The following HS1BP3 variants were observed in gnomAD, a reference collection of about 807,000 sequenced individuals.
HS1BP3 encodes the protein HCLS1-binding protein 3.
In HS1BP3, 32 loss-of-function variants were observed where a neutral mutation model predicts 33.5. The ratio of observed to expected loss-of-function variants is 0.95; its 90% CI spans 0.72 to 1.28. The LOEUF is 1.28. HS1BP3 is among the 50% of genes most tolerant of loss of function. The pLI is 0.00. For synonymous variants in HS1BP3, 187 were observed against 209.2 expected (o/e 0.89, Z 0.92); for missense variants, 486 against 502.3 (o/e 0.97, Z 0.31).
chr2:20,562,581 C>G (rs1362304641), intron 5 of HS1BP3, among the ~76,000 whole-genome samples: 1 of 152,172 alleles, frequency 6.6e-6, no homozygotes, highest in Non-Finnish European at 1.5e-5. Context: ...ATGGAACCTG[C>G]AGAGGGGGTC....
At chr2:20,555,666 C>CTTCCTCCCTTTCTTCTTTTTTCT (rs1252431075), downstream of HS1BP3, among the ~76,000 whole-genome samples, 1 of 151,940 alleles carries the variant, frequency 6.6e-6, no homozygotes, top group African/African-American at 2.4e-5. Context: ...CTGCCTCTTC[C>CTTCCTCCCTTTCTTCTTTTTTCT]TTCCTCCCTT....
intron 4 of HS1BP3, among the ~76,000 whole-genome samples, chr2:20,628,024 A>G (rs1407885766): frequency 6.6e-6 from 1 of 152,008 alleles, no homozygotes; most frequent in Non-Finnish European, 1.5e-5. Context: ...GCAGGGAGGG[A>G]AGAGGGATAG....
intron 5 of HS1BP3, among the ~76,000 whole-genome samples, chr2:20,624,256 G>T (rs188341530): frequency 1.3e-4 from 20 of 152,322 alleles, no homozygotes; most frequent in Non-Finnish European, 1.9e-4. Context: ...CAGGGACTAG[G>T]TCTCACTCCT....
intron 2 of HS1BP3, among the ~76,000 whole-genome samples, chr2:20,612,773 T>C (rs1374690081): frequency 6.6e-6 from 1 of 152,216 alleles, no homozygotes; most frequent in African/African-American, 2.4e-5. Context: ...GCTATGAACA[T>C]CTGTGTACAA....
intron 6 of HS1BP3, among the ~76,000 whole-genome samples, chr2:20,620,486 G>A (rs1197596985): frequency 2.0e-5 from 3 of 152,206 alleles, no homozygotes; most frequent in African/African-American, 7.2e-5. Context: ...AAGACCTGTA[G>A]CACCCACTTG....
intron 5 of HS1BP3, among the ~76,000 whole-genome samples, chr2:20,568,271 C>A (rs147345739): frequency 6.6e-6 from 1 of 151,978 alleles, no homozygotes; most frequent in Admixed American, 6.5e-5. Context: ...TAGAGGAGGG[C>A]GGGAAGGAGT....
rs1694683715 is a variant in HS1BP3 at position 20,623,907 on chromosome 2, C to G, written c.909G>C (p.Lys303Asn). The part of the protein sequence containing the change: ...TPSLSHRDAS[K>N]ELFRVEEDLD... ...GGGACAGGTGGTACCTGAACAGTTC[C>G]TTGGAGGCGTCCCTGTGGCTGAGGC... is the stretch of plus-strand genomic sequence containing the variant. The change falls in exon 6 of 7, where the codon AAG becomes AAC. Residue 303 changes from lysine (K) to asparagine (N), a missense_variant. Coordinates refer to ENST00000304031, the MANE Select transcript of HS1BP3 (RefSeq NM_022460.4). 4.3e-6 allele frequency: 7 copies of G among 1,612,102 alleles called. No homozygotes were observed. The South Asian group carries it at 7.7e-5, about 18-fold the overall frequency.
In HS1BP3 at chr2:20,598,013, T is replaced by C. The variant is rs1289359926; in HGVS notation, c.*12+195A>G. ...CTGGGTAGGTCAGGCAGCTAAAAGT[T>C]GGGGGTCAGGTCCCCTACTTCAGCG... On this transcript the variant is annotated intron_variant, in intron 3 of 3. Coordinates refer to the HS1BP3 transcript ENST00000415264. Among the ~76,000 whole-genome samples, 4 of 152,210 alleles carry C rather than the reference T, an allele frequency of 2.6e-5. No homozygotes were observed. In the East Asian group the frequency reaches 5.8e-4, roughly 22 times the overall value.
chr2:20,554,579 C>T, the HS1BP3 span, among the ~76,000 whole-genome samples: 805 of 152,044 alleles, frequency 5.3e-3, 7 homozygotes, highest in Non-Finnish European at 8.5e-3. Flanking sequence ...AAAAATTGGC[C>T]GGGCGTGGTG....
downstream of HS1BP3, among the ~76,000 whole-genome samples, chr2:20,588,706 T>A (rs1693741182): frequency 6.6e-6 from 1 of 152,238 alleles, no homozygotes. Flanking sequence ...TCAGCCCATG[T>A]GGGAGCTTGC....
At chr2:20,577,794 T>C (rs112750634) in intron 5 of HS1BP3, among the ~76,000 whole-genome samples, 7,427 of 152,296 alleles carry the variant, frequency 0.049, 173 homozygotes, top group South Asian at 0.069. Context: ...TGAGGGGGTA[T>C]TGTCTAAGCT....
intron 4 of HS1BP3, chr2:20,637,028 G>GGGGGGGGGGC: frequency 4.2e-5 from 1 of 24,018 alleles, no homozygotes; most frequent in East Asian, 9.6e-4. Context: ...GGAGGGGGCT[G>GGGGGGGGGGC]CCCCCGCCCC....
intron 5 of HS1BP3, among the ~76,000 whole-genome samples, chr2:20,587,218 C>A (rs566028307): frequency 6.6e-6 from 1 of 152,204 alleles, no homozygotes; most frequent in South Asian, 2.1e-4. Context: ...TCATAGGACA[C>A]AGTCATTTAA....
At chr2:20,627,232 C>A (rs937454217) in intron 4 of HS1BP3, among the ~76,000 whole-genome samples, 2 of 152,228 alleles carry the variant, frequency 1.3e-5, no homozygotes, top group African/African-American at 2.4e-5. Flanking sequence ...GAGGGCAGGT[C>A]TGAGGCTGCT....
At chr2:20,586,803 C>G (rs1693694107) in intron 5 of HS1BP3, 1 of 152,088 alleles carries the variant, frequency 6.6e-6, no homozygotes, top group Non-Finnish European at 1.5e-5. Context: ...GATAATCAAC[C>G]AAGAAAGTTT....
intron 1 of HS1BP3, among the ~76,000 whole-genome samples, chr2:20,647,850 G>T (rs1054277416): frequency 6.6e-6 from 1 of 152,176 alleles, no homozygotes; most frequent in Non-Finnish European, 1.5e-5. Context: ...CTGTTAATAT[G>T]CAGATTCTGG....
intron 2 of HS1BP3, among the ~76,000 whole-genome samples, chr2:20,599,042 A>G (rs1694011737): frequency 1.3e-5 from 2 of 152,202 alleles, no homozygotes; most frequent in Admixed American, 6.5e-5. Flanking sequence ...GGTGGAAACC[A>G]GAGACAAGCG....
intron 6 of HS1BP3, among the ~76,000 whole-genome samples, chr2:20,622,015 G>A (rs770989130): frequency 9.2e-5 from 14 of 152,206 alleles, no homozygotes; most frequent in Non-Finnish European, 1.6e-4. Context: ...TCCTGCGGAA[G>A]ACAAGACTCA....
At chr2:20,632,152 G>A (rs957676298) in intron 4 of HS1BP3, among the ~76,000 whole-genome samples, 16 of 152,302 alleles carry the variant, frequency 1.1e-4, no homozygotes, top group African/African-American at 2.9e-4. Context: ...TCCAATCAGC[G>A]TGTATCTGAG....
Sources: allele counts gnomAD v4.1 joint callset (sites outside exome capture counted in the v4.1 genomes callset), GRCh38; gene constraint gnomAD v4.1.1; transcripts MANE v1.5; gene names NCBI Gene and HGNC (gene_info 2026-07-23, HGNC 2026-07-21).